ANKRD6: variants seen among roughly 807,000 people sequenced by gnomAD.
ANKRD6 encodes ankyrin repeat domain-containing protein 6.
In ANKRD6, 56 loss-of-function variants were observed where a neutral mutation model predicts 82.3. The ratio of observed to expected loss-of-function variants is 0.68; its 90% confidence interval spans 0.55 to 0.85. The LOEUF is 0.85. ANKRD6 is among the 40% of genes least tolerant of loss of function. The probability of loss-of-function intolerance (pLI) is 0.00; values close to 1 mark genes in which losing one functional copy is unlikely to be tolerated. For synonymous variants in ANKRD6, 347 were observed against 352.1 expected, an observed-to-expected ratio of 0.99 and a Z score of 0.16; for missense variants, 852 against 907.6, an observed-to-expected ratio of 0.94 and a Z score of 0.79.
At chr6:89,605,972 G>T (rs1798483325) in intron 4 of ANKRD6, 35 bp from the exon 5 acceptor site, 1 of 1,481,278 alleles carries the variant, frequency 6.8e-7, no homozygotes, top group African/African-American at 1.4e-5. Flanking sequence ...TAGGTCTTGG[G>T]TAATGTGCCT....
intron 1 of ANKRD6, among the ~76,000 whole-genome samples, chr6:89,521,870 A>G: frequency 6.6e-6 from 1 of 152,192 alleles, no homozygotes; most frequent in East Asian, 1.9e-4. Flanking sequence ...TTATGACATA[A>G]TCCTATTAGT....
rs556517229 is a variant in ANKRD6, at chr6:89,585,591, C to T, written c.121-10325C>T. Among the ~76,000 whole-genome samples, 266 of 152,268 alleles carry T rather than the reference C, an allele frequency of 1.7e-3. 1 individual carries two copies. The highest frequency in any genetic ancestry group is 3.4e-3 in the Middle Eastern group (1 of 294). On this transcript the variant is annotated intron_variant, in intron 2 of 15. Transcript: ENST00000339746. ...ATTAGCATAGGAAATATTGGAAACA[C>T]GATTAGAGATGCAAGTTTTAGAAAG...
intron 1 of ANKRD6, among the ~76,000 whole-genome samples, chr6:89,548,053 T>G (rs529807499): frequency 4.1e-4 from 63 of 152,368 alleles, no homozygotes; most frequent in Non-Finnish European, 8.1e-4. Flanking sequence ...GAGATATATT[T>G]TACATACCAT....
chr6:89,499,466 C>A (rs1463063354), intron 1 of ANKRD6, among the ~76,000 whole-genome samples: 1 of 152,168 alleles, frequency 6.6e-6, no homozygotes, highest in Non-Finnish European at 1.5e-5. Context: ...CTGGTCTAGT[C>A]ATCTAGTCAT....
At chr6:89,597,434 C>CAG (rs1210472834) in intron 3 of ANKRD6, among the ~76,000 whole-genome samples, 3 of 152,166 alleles carry the variant, frequency 2.0e-5, no homozygotes, top group Non-Finnish European at 4.4e-5. Context: ...GTCTTCTCTT[C>CAG]GCATAATTAA....
chr6:89,446,806 G>A (rs770589177), intron 1 of ANKRD6, among the ~76,000 whole-genome samples: 70 of 152,278 alleles, frequency 4.6e-4, no homozygotes, highest in African/African-American at 1.6e-3. Flanking sequence ...AATCATGGGG[G>A]CAGTTACCCT....
chr6:89,462,632 T>A (rs559303186), intron 1 of ANKRD6, among the ~76,000 whole-genome samples: 5 of 152,354 alleles, frequency 3.3e-5, no homozygotes, highest in Admixed American at 2.6e-4. Flanking sequence ...GGGTTTCATA[T>A]GCCTCTGTTC....
chr6:89,467,588 G>A (rs1298980157), intron 1 of ANKRD6, among the ~76,000 whole-genome samples: 1 of 152,212 alleles, frequency 6.6e-6, no homozygotes. Flanking sequence ...CAAAAGTCAA[G>A]ATGGAAGGCC....
At chr6:89,607,799 C>A (rs181110455) in intron 5 of ANKRD6, among the ~76,000 whole-genome samples, 1 of 151,774 alleles carries the variant, frequency 6.6e-6, no homozygotes, top group Non-Finnish European at 1.5e-5. Context: ...GGGCATGTGC[C>A]CCCACGCCCG....
intron 1 of ANKRD6, among the ~76,000 whole-genome samples, chr6:89,458,556 A>G (rs1773743653): frequency 6.6e-6 from 1 of 152,176 alleles, no homozygotes; most frequent in Non-Finnish European, 1.5e-5. Flanking sequence ...AAGCTGAAGA[A>G]CCTGGAGTCT....
intron 1 of ANKRD6, among the ~76,000 whole-genome samples, chr6:89,450,116 C>T (rs1772622476): frequency 6.6e-6 from 1 of 151,982 alleles, no homozygotes; most frequent in Non-Finnish European, 1.5e-5. Flanking sequence ...GTGGGTGGAT[C>T]ACCTGAGGTC....
intron 1 of ANKRD6, among the ~76,000 whole-genome samples, chr6:89,472,635 A>ATCTG (rs1775609432): frequency 6.6e-6 from 1 of 152,200 alleles, no homozygotes; most frequent in African/African-American, 2.4e-5. Flanking sequence ...TTGTTGGCAG[A>ATCTG]GCTCTAATCT....
At chr6:89,603,320 A>ATTTTTTTTT (rs1229759944) in intron 4 of ANKRD6, among the ~76,000 whole-genome samples, 193 bp downstream of exon 4, 1 of 114,712 alleles carries the variant, frequency 8.7e-6, no homozygotes, top group Non-Finnish European at 1.7e-5. Context: ...GCCAATTGTA[A>ATTTTTTTTT]TTTTTTTTTT....
intron 1 of ANKRD6, among the ~76,000 whole-genome samples, chr6:89,552,853 T>C (rs1352044641): frequency 6.6e-6 from 1 of 152,190 alleles, no homozygotes; most frequent in Non-Finnish European, 1.5e-5. Context: ...GGTGGACTGC[T>C]TAAATAGATT....
At chr6:89,492,101 T>A (rs1778084708) in intron 1 of ANKRD6, among the ~76,000 whole-genome samples, 1 of 152,252 alleles carries the variant, frequency 6.6e-6, no homozygotes, top group African/African-American at 2.4e-5. Context: ...CTCTGGTTAA[T>A]CTTTCTTTTG....
intron 1 of ANKRD6, among the ~76,000 whole-genome samples, chr6:89,523,595 T>TTTTA (rs1329170446): frequency 1.3e-5 from 2 of 152,176 alleles, no homozygotes. Context: ...AGAATTCAGT[T>TTTTA]TTTACCATAA....
At chr6:89,595,056 A>AT (rs1481992040) in intron 2 of ANKRD6, among the ~76,000 whole-genome samples, 6 of 152,084 alleles carry the variant, frequency 3.9e-5, no homozygotes, top group African/African-American at 1.4e-4. Flanking sequence ...CCAGCGTAGA[A>AT]TTTTTTTTTA....
intron 3 of ANKRD6, among the ~76,000 whole-genome samples, chr6:89,600,523 T>G (rs559876110): frequency 6.6e-6 from 1 of 152,242 alleles, no homozygotes; most frequent in Admixed American, 6.5e-5. Flanking sequence ...TGTAAGTAGT[T>G]TGTGGTTATA....
chr6:89,507,845 A>G (rs1780058556), intron 1 of ANKRD6, among the ~76,000 whole-genome samples: 1 of 152,232 alleles, frequency 6.6e-6, no homozygotes, highest in South Asian at 2.1e-4. Context: ...AAAACAGACT[A>G]TATTCCTTGG....
Sources: gnomAD v4.1 joint callset for allele counts (sites outside exome capture counted in the v4.1 genomes callset) on GRCh38, gnomAD v4.1.1 for gene constraint, MANE v1.5 for transcripts, NCBI Gene and HGNC (gene_info 2026-07-23, HGNC 2026-07-21) for gene names.